Variants in FKBP5 observed in about 807,000 individuals in gnomAD.
FKBP5 encodes the protein peptidyl-prolyl cis-trans isomerase FKBP5.
FKBP5 carries 23 observed loss-of-function variants against 50.5 expected under a neutral mutation model. The ratio of observed to expected loss-of-function variants is 0.46; its 90% CI spans 0.33 to 0.65. The LOEUF (loss-of-function observed/expected upper bound fraction) is 0.65, where lower values mean the gene tolerates loss of function less well. FKBP5 is among the 30% of genes least tolerant of loss of function. FKBP5 has a pLI of 0.02. For missense variants in FKBP5, 411 were observed against 553.1 expected (o/e 0.74, Z 2.58); for synonymous variants, 176 against 190.6 (o/e 0.92, Z 0.63).
Position 35,664,444 on chromosome 6 carries a change from A to G in FKBP5, c.-19-21601T>C, listed in dbSNP as rs182700601. 3.9e-5 allele frequency among the ~76,000 whole-genome samples: 6 copies of G among 152,314 alleles called. No individual in the cohort carries two copies. The East Asian group carries it at 1.2e-3, about 29-fold the overall frequency. On this transcript the variant is annotated intron_variant, in intron 1 of 10. Transcript: ENST00000357266. ...CTCAACATCTTTAAAATAATCATCA[A>G]ATTTTCTGACATGCCACTCCCGGAG...
At chr6:35,670,847 G>GA (rs1052977959) in intron 1 of FKBP5, among the ~76,000 whole-genome samples, 23 of 151,834 alleles carry the variant, frequency 1.5e-4, no homozygotes, top group Non-Finnish European at 2.1e-4. Flanking sequence ...AGGAATCTAA[G>GA]AAAAAGGGAA....
intron 2 of FKBP5, among the ~76,000 whole-genome samples, chr6:35,716,717 C>G (rs372476047): frequency 6.6e-6 from 1 of 152,122 alleles, no homozygotes; most frequent in African/African-American, 2.4e-5. Flanking sequence ...GTAATTGGGT[C>G]GCAAACATTA....
At chr6:35,678,408 A>G (rs1765581212) in intron 1 of FKBP5, among the ~76,000 whole-genome samples, 1 of 152,230 alleles carries the variant, frequency 6.6e-6, no homozygotes, top group Admixed American at 6.5e-5. Flanking sequence ...TGAAGGTTTT[A>G]GAGAAAGAAA....
At chr6:35,645,842 C>G (rs537630091) in intron 1 of FKBP5, among the ~76,000 whole-genome samples, 6 of 152,294 alleles carry the variant, frequency 3.9e-5, no homozygotes, top group Non-Finnish European at 8.8e-5. Flanking sequence ...AGGCTGGGAA[C>G]AGTGGCTTAC....
chr6:35,648,678 G>A (rs1186567811), intron 1 of FKBP5, among the ~76,000 whole-genome samples: 4 of 152,260 alleles, frequency 2.6e-5, no homozygotes, highest in African/African-American at 9.6e-5. Context: ...GCCAGGTGAG[G>A]TGGCTCAAGC....
chr6:35,624,454 A>T lies in FKBP5; in HGVS notation c.251-4180T>A, dbSNP rs1234688646. ...GAGCTGGAGGTTGCAGTGAGCTGAGATCACGCCACTGCACCCCAGCTCCAT... is the reference window on the plus strand; with the variant it reads ...GAGCTGGAGGTTGCAGTGAGCTGAGTTCACGCCACTGCACCCCAGCTCCAT... On this transcript the variant is annotated intron_variant, in intron 3 of 10. Coordinates refer to ENST00000357266, the MANE Select transcript of FKBP5 (RefSeq NM_004117.4). Among the ~76,000 whole-genome samples the T allele has an allele frequency of 2.0e-5, 3 of 151,866 alleles. No homozygotes were observed. The East Asian group carries it at 5.8e-4, about 29-fold the overall frequency.
intron 1 of FKBP5, among the ~76,000 whole-genome samples, chr6:35,724,886 C>T (rs1039051276): frequency 1.3e-5 from 2 of 152,118 alleles, no homozygotes; most frequent in Non-Finnish European, 2.9e-5. Flanking sequence ...GCACCCACAC[C>T]CCAGAATTGT....
chr6:35,585,356 G>A (rs559291040), intron 8 of FKBP5: 1 of 976,576 alleles, frequency 1.0e-6, no homozygotes, highest in East Asian at 1.1e-4. Flanking sequence ...TAGTTTAGAA[G>A]TATCCAATAT....
intron 7 of FKBP5, among the ~76,000 whole-genome samples, chr6:35,588,171 A>G (rs1375335611): frequency 6.6e-6 from 1 of 151,772 alleles, no homozygotes; most frequent in Admixed American, 6.6e-5. Flanking sequence ...GATTACAGGC[A>G]TGCACCACCA....
chr6:35,604,912 G>A (rs969836727), intron 5 of FKBP5, among the ~76,000 whole-genome samples: 4 of 151,814 alleles, frequency 2.6e-5, no homozygotes, highest in Admixed American at 1.3e-4. Context: ...TGCCTCCCAA[G>A]TAGCTGGGAC....
chr6:35,591,831 A>C (rs1308112596), intron 6 of FKBP5, among the ~76,000 whole-genome samples: 1 of 152,212 alleles, frequency 6.6e-6, no homozygotes, highest in Admixed American at 6.5e-5. Context: ...ATACTCAAAA[A>C]TAGCTGCCCT....
intron 2 of FKBP5, among the ~76,000 whole-genome samples, chr6:35,708,753 T>A (rs1415653596): frequency 1.3e-5 from 2 of 152,118 alleles, no homozygotes; most frequent in Admixed American, 1.3e-4. Context: ...TTCTTGTTAA[T>A]GTTTTTGTTT....
intron 3 of FKBP5, among the ~76,000 whole-genome samples, chr6:35,635,708 A>G (rs1764291037): frequency 6.6e-6 from 1 of 152,204 alleles, no homozygotes; most frequent in African/African-American, 2.4e-5. Context: ...TCCAAAATAA[A>G]AAAAAAATTA....
intron 5 of FKBP5, among the ~76,000 whole-genome samples, chr6:35,611,853 G>C (rs1763502704): frequency 6.6e-6 from 1 of 152,006 alleles, no homozygotes; most frequent in Non-Finnish European, 1.5e-5. Flanking sequence ...ACTAACCTAA[G>C]TTTTCTCTTC....
chr6:35,679,982 T>C (rs1765625247), intron 1 of FKBP5, among the ~76,000 whole-genome samples: 1 of 152,116 alleles, frequency 6.6e-6, no homozygotes, highest in South Asian at 2.1e-4. Flanking sequence ...ATTATTTTCA[T>C]GAGTAAAGGC....
At chr6:35,682,663 A>T (rs1765699982) in intron 1 of FKBP5, among the ~76,000 whole-genome samples, 1 of 152,170 alleles carries the variant, frequency 6.6e-6, no homozygotes, top group Non-Finnish European at 1.5e-5. Flanking sequence ...AAGGGAAAAA[A>T]CAACCCTCTT....
At chr6:35,700,604 A>C (rs1766162776) in intron 2 of FKBP5, among the ~76,000 whole-genome samples, 2 of 152,180 alleles carry the variant, frequency 1.3e-5, no homozygotes, top group Admixed American at 1.3e-4. Flanking sequence ...TGGCAAATGC[A>C]CTTGGGCAAA....
At position 35,591,160 on chromosome 6, in the gene FKBP5, T is replaced by C. The variant is rs193128840; in HGVS notation, c.726A>G (p.Ile242Met). ...CGAAGCTCTTAAGTGTAACTTCATA[T>C]ATAAGCTCAGCATTAGGTTCAATGC... is the stretch of plus-strand genomic sequence containing the variant. ...KFGIEPNAEL[I>M]YEVTLKSFEK... Residue 242 changes from isoleucine to methionine, a missense_variant, in exon 7 of 11, where the codon ATA (isoleucine) becomes ATG (methionine). By Grantham distance (10) the Ile-to-Met change is conservative. Around this residue, in one of 3 missense-constraint regions of FKBP5, gnomAD observed 267 missense variants for 405.9 expected, o/e 0.66. Transcript: ENST00000357266. 3 of 1,613,150 alleles carry C rather than the reference T, an allele frequency of 1.9e-6. No homozygotes were observed. Among genetic ancestry groups the C allele is most frequent in the East Asian group, 2.2e-5 (1 of 44,852 alleles).
At chr6:35,695,513 C>A (rs1229998702) in intron 2 of FKBP5, among the ~76,000 whole-genome samples, 1 of 151,992 alleles carries the variant, frequency 6.6e-6, no homozygotes. Flanking sequence ...CTATCCAGGG[C>A]AATTAGGCAA....
Sources: gnomAD v4.1 joint callset for allele counts (sites outside exome capture counted in the v4.1 genomes callset) on GRCh38, gnomAD v4.1.1 for gene constraint, gnomAD v4.1.1 regional missense constraint, MANE v1.5 for transcripts, NCBI Gene and HGNC (gene_info 2026-07-23, HGNC 2026-07-21) for gene names.